MYRFL: variants seen among roughly 807,000 people sequenced by gnomAD.
The protein encoded by MYRFL is myelin regulatory factor-like protein.
MYRFL carries 88 observed loss-of-function variants against 109.4 expected under a neutral mutation model. The ratio of observed to expected loss-of-function variants is 0.80; its 90% CI spans 0.68 to 0.96. MYRFL has a LOEUF of 0.96. Among genes scored for constraint, MYRFL ranks in the 40% least tolerant of loss-of-function variants. The pLI is 0.00. For synonymous variants in MYRFL, 324 were observed against 320.9 expected, an observed-to-expected ratio of 1.01 and a Z score of -0.10; for missense variants, 957 against 954.9, an observed-to-expected ratio of 1.00 and a Z score of -0.03.
At chr12:69,945,373 T>C (rs571470409) in intron 19 of MYRFL, among the ~76,000 whole-genome samples, 4 of 152,328 alleles carry the variant, frequency 2.6e-5, no homozygotes, top group Admixed American at 2.0e-4. Flanking sequence ...TTATACTTTA[T>C]TTTTTACTGT....
Position 69,886,918 on chromosome 12 carries a change from C to T in MYRFL, c.655C>T (p.Pro219Ser). 6.5e-7 allele frequency: 1 copy of T among 1,535,862 alleles called. No homozygotes were observed. Among genetic ancestry groups the T allele is most frequent in the Non-Finnish European group, 8.7e-7 (1 of 1,146,726 alleles). The change falls in exon 6 of 25, where the codon CCA becomes TCA. Residue 219 changes from proline (P) to serine (S), a missense_variant. By Grantham distance (74) the Pro-to-Ser change is moderately conservative (BLOSUM62 -1). Coordinates refer to ENST00000552032, the MANE Select transcript of MYRFL (RefSeq NM_182530.3). ...GTGCTCTCCTGCTCTGAAGTGGCAA[C>T]CATGCCATAGTGTTCCTTGGCACAG... ...DQCSPALKWQ[P>S]CHSVPWHSLL...
intron 2 of MYRFL, among the ~76,000 whole-genome samples, chr12:69,869,076 T>C (rs1255928487): frequency 1.3e-5 from 2 of 152,212 alleles, no homozygotes; most frequent in African/African-American, 4.8e-5. Context: ...AGATAAATCA[T>C]ATACATGAAA....
intron 21 of MYRFL, among the ~76,000 whole-genome samples, chr12:69,954,271 G>C (rs1956050199): frequency 6.6e-6 from 1 of 152,194 alleles, no homozygotes; most frequent in Admixed American, 6.5e-5. Flanking sequence ...TTTCAAAACT[G>C]AGTTGGGTTG....
intron 2 of MYRFL, among the ~76,000 whole-genome samples, chr12:69,874,260 C>G (rs1885524578): frequency 6.6e-6 from 1 of 152,216 alleles, no homozygotes; most frequent in African/African-American, 2.4e-5. Context: ...TCACTCAAGC[C>G]TCATTCTCCT....
chr12:69,833,205 C>A (rs1443606946), intron 1 of MYRFL, among the ~76,000 whole-genome samples: 1 of 151,890 alleles, frequency 6.6e-6, no homozygotes, highest in African/African-American at 2.4e-5. Context: ...AAAAGGGTCC[C>A]AGATCACATT....
intron 16 of MYRFL, among the ~76,000 whole-genome samples, chr12:69,933,981 A>G (rs943116554): frequency 6.6e-6 from 1 of 152,192 alleles, no homozygotes; most frequent in African/African-American, 2.4e-5. Context: ...GGTCAAAACC[A>G]GGGTTTGCCC....
intron 23 of MYRFL, 76 bp from the exon 24 acceptor site, chr12:69,958,173 C>CT: frequency 7.6e-7 from 1 of 1,320,940 alleles, no homozygotes; most frequent in South Asian, 1.3e-5. Context: ...TGAGGAAATG[C>CT]TTTTTCAGCC....
At chr12:69,955,096 T>C (rs11838001) in intron 21 of MYRFL, among the ~76,000 whole-genome samples, 2 of 152,194 alleles carry the variant, frequency 1.3e-5, no homozygotes, top group Non-Finnish European at 2.9e-5. Context: ...AGGATTTGAC[T>C]TTCCATCATT....
chr12:69,956,580 A>C, intron 22 of MYRFL, among the ~76,000 whole-genome samples: 3 of 146,194 alleles, frequency 2.1e-5, no homozygotes, highest in South Asian at 2.2e-4. Context: ...CTTTTCTATC[A>C]CTCTTTCCCT....
chr12:69,869,401 C>T (rs1477474547), intron 2 of MYRFL, among the ~76,000 whole-genome samples: 10 of 152,214 alleles, frequency 6.6e-5, no homozygotes, highest in East Asian at 5.8e-4. Flanking sequence ...CATGCCACTC[C>T]GGTGGGAAGA....
intron 7 of MYRFL, 75 bp downstream of exon 7, chr12:69,891,241 AC>A: frequency 9.0e-7 from 1 of 1,109,396 alleles, no homozygotes; most frequent in Non-Finnish European, 1.2e-6. Context: ...TGCATGACAA[AC>A]TATCCCAAAA....
At chr12:69,951,208 G>A (rs373270571) in intron 19 of MYRFL, among the ~76,000 whole-genome samples, 73 of 152,234 alleles carry the variant, frequency 4.8e-4, no homozygotes, top group South Asian at 1.0e-3. Flanking sequence ...CTTTGCCGTC[G>A]TAACAGAATA....
At position 69,910,809 on chromosome 12, in the gene MYRFL, T is replaced by C. The variant is rs915002147; in HGVS notation, c.1493-12T>C. 3.9e-6 allele frequency: 6 copies of C among 1,521,444 alleles called. No homozygotes were observed. The African/African-American group carries it at 8.3e-5, about 21-fold the overall frequency. 94.2% of individuals were successfully genotyped at this position (1,521,444 alleles called of 1,614,324 possible). ...CTTTGAAGATTAAACCTGTGGAGTG[T>C]TTTGTATACAGGAATGATTGCCCAG... On this transcript the variant is annotated splice_polypyrimidine_tract_variant and intron_variant, in intron 12 of 24. Coordinates refer to ENST00000552032, the MANE Select transcript of MYRFL (RefSeq NM_182530.3).
At chr12:69,868,425 C>T (rs1292131051) in intron 2 of MYRFL, among the ~76,000 whole-genome samples, 1 of 152,100 alleles carries the variant, frequency 6.6e-6, no homozygotes, top group Non-Finnish European at 1.5e-5. Flanking sequence ...ACCTCAGTTT[C>T]ATTGCCTGAG....
intron 7 of MYRFL, among the ~76,000 whole-genome samples, chr12:69,893,188 C>A (rs1306650439): frequency 1.3e-5 from 2 of 152,184 alleles, no homozygotes; most frequent in African/African-American, 4.8e-5. Context: ...AATGTGAATA[C>A]CCACCAGTTG....
chr12:69,958,310 G>A lies in MYRFL; in HGVS notation c.2633G>A (p.Arg878His), dbSNP rs895441132. ...TTTTCTGACAGCATGTTCCATTTCC[G>A]TGTAGCTGCACCGGTAAGCTTGCTT... ...APFSDSMFHF[R>H]VAAPDLADCS... Residue 878 changes from arginine (R) to histidine (H), a missense_variant, in exon 24 of 25, where the codon CGT becomes CAT. Coordinates refer to ENST00000552032, the MANE Select transcript of MYRFL (RefSeq NM_182530.3). The A allele has an allele frequency of 2.7e-5, 42 of 1,536,066 alleles. No individual in the cohort carries two copies. Among genetic ancestry groups the A allele is most frequent in the East Asian group, 1.5e-4 (6 of 40,924 alleles).
At chr12:69,916,646 A>C (rs1471988194) in intron 13 of MYRFL, among the ~76,000 whole-genome samples, 7 of 151,654 alleles carry the variant, frequency 4.6e-5, no homozygotes, top group Non-Finnish European at 1.0e-4. Context: ...TGATCATATA[A>C]TCTCCCTTTC....
intron 22 of MYRFL, among the ~76,000 whole-genome samples, chr12:69,957,048 A>ACTC (rs78128776): frequency 0.29 from 44,686 of 151,882 alleles, 6,858 homozygotes; most frequent in East Asian, 0.48. Context: ...TAACATACAT[A>ACTC]CTCAACTGAG....
intron 5 of MYRFL, among the ~76,000 whole-genome samples, chr12:69,886,496 A>G (rs1886460149): frequency 6.6e-6 from 1 of 152,178 alleles, no homozygotes; most frequent in Non-Finnish European, 1.5e-5. Flanking sequence ...TGGGTCACCT[A>G]TCCTCCCGGC....
Sources: gnomAD v4.1 joint callset for allele counts (sites outside exome capture counted in the v4.1 genomes callset) on GRCh38, gnomAD v4.1.1 for gene constraint, MANE v1.5 for transcripts, NCBI Gene and HGNC (gene_info 2026-07-23, HGNC 2026-07-21) for gene names.